RAB38: variants seen among roughly 807,000 people sequenced by gnomAD.
RAB38 encodes the protein ras-related protein Rab-38.
In RAB38, 15 loss-of-function variants were observed where a neutral mutation model predicts 18.4. The observed-to-expected ratio is 0.82, with a 90% CI of 0.55 to 1.26. RAB38 has a LOEUF of 1.26. RAB38 is among the 50% of genes most tolerant of loss of function. RAB38 has a pLI of 0.00. For synonymous variants in RAB38, 101 were observed against 104.4 expected (o/e 0.97, Z 0.20); for missense variants, 294 against 267.4 (o/e 1.10, Z -0.69).
At chr11:87,900,379 T>C in the RAB38 span, among the ~76,000 whole-genome samples, 5 of 151,596 alleles carry the variant, frequency 3.3e-5, no homozygotes, top group South Asian at 2.1e-4. Context: ...CTCAGGTGGA[T>C]AGGGAAGTGA....
the RAB38 span, among the ~76,000 whole-genome samples, chr11:88,031,064 C>G: frequency 2.7e-5 from 4 of 150,774 alleles, no homozygotes; most frequent in African/African-American, 9.8e-5. Flanking sequence ...GGATGCAAGG[C>G]TGGTTCAATA....
At chr11:88,126,499 A>G (rs1942696618) in intron 2 of RAB38, among the ~76,000 whole-genome samples, 1 of 152,154 alleles carries the variant, frequency 6.6e-6, no homozygotes, top group South Asian at 2.1e-4. Flanking sequence ...GGAGTTGATC[A>G]GTGAAAACAC....
At chr11:87,833,115 C>T in the RAB38 span, among the ~76,000 whole-genome samples, 1 of 152,168 alleles carries the variant, frequency 6.6e-6, no homozygotes, top group African/African-American at 2.4e-5. Context: ...CACAGGGCAG[C>T]CAGAGTGATC....
chr11:87,905,666 C>T, the RAB38 span, among the ~76,000 whole-genome samples: 1 of 151,780 alleles, frequency 6.6e-6, no homozygotes, highest in Non-Finnish European at 1.5e-5. Flanking sequence ...CAGATTTTTC[C>T]AATGGATATA....
At chr11:87,815,997 G>A in the RAB38 span, 2 of 152,322 alleles carry the variant, frequency 1.3e-5, no homozygotes, top group Admixed American at 6.5e-5. Flanking sequence ...GATATATAGT[G>A]TATGGCCAGG....
chr11:88,084,963 A>C, the RAB38 span, among the ~76,000 whole-genome samples: 1 of 151,892 alleles, frequency 6.6e-6, no homozygotes, highest in Non-Finnish European at 1.5e-5. Flanking sequence ...TGAAGAAATT[A>C]ATTATTCTGG....
At chr11:88,092,924 G>C in the RAB38 span, among the ~76,000 whole-genome samples, 1 of 151,772 alleles carries the variant, frequency 6.6e-6, no homozygotes, top group Non-Finnish European at 1.5e-5. Context: ...AAGAAGGCAA[G>C]GCTTTCTTTC....
chr11:88,028,848 G>C, the RAB38 span, among the ~76,000 whole-genome samples: 5 of 152,104 alleles, frequency 3.3e-5, no homozygotes, highest in Non-Finnish European at 7.4e-5. Flanking sequence ...AGCAAGGCAG[G>C]CCAACATTCA....
At chr11:87,974,361 A>G in the RAB38 span, among the ~76,000 whole-genome samples, 1 of 151,898 alleles carries the variant, frequency 6.6e-6, no homozygotes, top group Non-Finnish European at 1.5e-5. Context: ...GAAAGAAAAA[A>G]AAAATCATAG....
At chr11:87,806,342 G>C in the RAB38 span, among the ~76,000 whole-genome samples, 7 of 152,226 alleles carry the variant, frequency 4.6e-5, no homozygotes, top group South Asian at 1.2e-3. Context: ...GTGAGGGTCT[G>C]TTTTTGCTTC....
At chr11:88,004,235 G>C in the RAB38 span, among the ~76,000 whole-genome samples, 1 of 150,126 alleles carries the variant, frequency 6.7e-6, no homozygotes, top group African/African-American at 2.4e-5. Flanking sequence ...GATTTAAAAA[G>C]TCTTTATTAA....
chr11:88,111,797 T>C (rs2134762337), downstream of RAB38, among the ~76,000 whole-genome samples: 2 of 152,324 alleles, frequency 1.3e-5, no homozygotes, highest in South Asian at 4.1e-4. Context: ...GGAACACTTC[T>C]TGCTTTAGTA....
At chr11:87,826,557 T>C in the RAB38 span, among the ~76,000 whole-genome samples, 1 of 152,162 alleles carries the variant, frequency 6.6e-6, no homozygotes, top group Admixed American at 6.6e-5. Flanking sequence ...AAGTGACATT[T>C]AACTGGGTCT....
At chr11:88,037,837 A>G in the RAB38 span, among the ~76,000 whole-genome samples, 753 of 152,246 alleles carry the variant, frequency 4.9e-3, 7 homozygotes, top group African/African-American at 0.017. Context: ...TGTATCTTAT[A>G]TATCTTCTTT....
intron 2 of RAB38, among the ~76,000 whole-genome samples, chr11:88,139,808 A>G (rs1294379131): frequency 2.6e-5 from 4 of 152,206 alleles, no homozygotes; most frequent in African/African-American, 9.7e-5. Flanking sequence ...AATCATTGTC[A>G]TGGAATAGAT....
the RAB38 span, among the ~76,000 whole-genome samples, chr11:87,970,063 G>A: frequency 6.6e-6 from 1 of 152,172 alleles, no homozygotes; most frequent in African/African-American, 2.4e-5. Flanking sequence ...AAAGTGAGAA[G>A]ATTGACATGG....
chr11:88,076,705 C>A, the RAB38 span, among the ~76,000 whole-genome samples: 2 of 150,754 alleles, frequency 1.3e-5, no homozygotes, highest in Non-Finnish European at 2.9e-5. Context: ...GCAATCCCAG[C>A]ATTTTGGGAG....
At chr11:88,088,170 TATAA>T in the RAB38 span, among the ~76,000 whole-genome samples, 1 of 151,928 alleles carries the variant, frequency 6.6e-6, no homozygotes, top group African/African-American at 2.4e-5. Flanking sequence ...ATCTAGAAGA[TATAA>T]AATTTACTAG....
At chr11:88,146,433 A>G (rs141883995) in intron 2 of RAB38, among the ~76,000 whole-genome samples, 362 of 152,316 alleles carry the variant, frequency 2.4e-3, no homozygotes, top group Non-Finnish European at 4.4e-3. Context: ...AAAGGACTCT[A>G]ATTTTTAGAA....
Sources: gnomAD v4.1 joint callset for allele counts (sites outside exome capture counted in the v4.1 genomes callset) on GRCh38, gnomAD v4.1.1 for gene constraint, MANE v1.5 for transcripts, NCBI Gene and HGNC (gene_info 2026-07-23, HGNC 2026-07-21) for gene names.